Variants in DCAF6 observed in about 807,000 individuals in gnomAD.
DCAF6 encodes the protein DDB1 and CUL4 associated factor 6.
DCAF6 carries 54 observed loss-of-function variants against 125.1 expected under a neutral mutation model. That is an observed-to-expected ratio of 0.43 (90% CI 0.35 to 0.54). The LOEUF is 0.54. Ranked by LOEUF, DCAF6 falls within the 20% of genes least tolerant of loss-of-function variation. The pLI is 0.01. For missense variants in DCAF6, 934 were observed against 1,161.7 expected (o/e 0.80, Z 2.85); for synonymous variants, 371 against 390.4 (o/e 0.95, Z 0.58).
chr1:167,993,083 A>G, intron 6 of DCAF6, 143 bp from the exon 7 acceptor site: 1 of 735,278 alleles, frequency 1.4e-6, no homozygotes, highest in South Asian at 2.1e-5. Flanking sequence ...CTGCAGAGGA[A>G]GAACCTCTAC....
Position 168,003,930 on chromosome 1 carries a change from T to C in DCAF6, c.1058T>C (p.Phe353Ser). 6.2e-7 allele frequency: 1 copy of C among 1,612,334 alleles called. No homozygotes were observed. Among genetic ancestry groups the C allele is most frequent in the Non-Finnish European group, 8.5e-7 (1 of 1,179,302 alleles). The change falls in exon 9 of 22, where the codon TTT (phenylalanine) becomes TCT (serine). Residue 353 changes from phenylalanine to serine, a missense_variant. By Grantham distance (155) the Phe-to-Ser change is radical (BLOSUM62 -2). This residue lies in a region of DCAF6 where 559 missense variants were observed against 635.5 expected (regional missense o/e 0.88). Transcript: ENST00000367840. ...ATGTCTGATATGTTATCAAGATGGTTTGAAGAAGCAAGTGAGGTTGCACAA... is the reference window on the plus strand; with the variant it reads ...ATGTCTGATATGTTATCAAGATGGTCTGAAGAAGCAAGTGAGGTTGCACAA... ...QRMSDMLSRW[F>S]EEASEVAQSN...
intron 2 of DCAF6, among the ~76,000 whole-genome samples, chr1:167,955,894 TG>T (rs1479845491): frequency 6.6e-6 from 1 of 152,066 alleles, no homozygotes; most frequent in African/African-American, 2.4e-5. Context: ...CTGAGTTAGC[TG>T]GGACCATAGG....
chr1:167,948,381 A>G (rs1464186550), intron 1 of DCAF6, among the ~76,000 whole-genome samples: 1 of 151,990 alleles, frequency 6.6e-6, no homozygotes, highest in Non-Finnish European at 1.5e-5. Context: ...AGAGTTTGTC[A>G]CCCCCAAGTA....
intron 10 of DCAF6, among the ~76,000 whole-genome samples, chr1:168,009,461 T>TCC (rs1553232968): frequency 7.1e-6 from 1 of 140,690 alleles, no homozygotes; most frequent in Non-Finnish European, 1.5e-5. Context: ...TGTCTCTCTC[T>TCC]CTTCCTTCCT....
intron 5 of DCAF6, among the ~76,000 whole-genome samples, chr1:167,988,745 TTTTATATATTTGAA>T (rs1680382567): frequency 6.6e-6 from 1 of 152,112 alleles, no homozygotes; most frequent in Non-Finnish European, 1.5e-5. Context: ...AAAAAGATTA[TTTTATATATTTGAA>T]ACAGAAATAA....
rs1684847293 is a variant in DCAF6, at chr1:168,015,509, G to A, written c.1379-272G>A. Among the ~76,000 whole-genome samples, 18 of 151,944 alleles carry A rather than the reference G, an allele frequency of 1.2e-4. 1 individual carries two copies. In the South Asian group the frequency reaches 3.5e-3, roughly 30 times the overall value. On this transcript the variant is annotated intron_variant, in intron 10 of 21. Transcript: ENST00000367840. The stretch of plus-strand genomic sequence containing the variant: ...CATTTTGAAATCTTTTGCTTATGGA[G>A]GACTTTTTATTTCCATTTGGTTTAA...
At chr1:167,909,214 T>C in the DCAF6 span, among the ~76,000 whole-genome samples, 1 of 152,234 alleles carries the variant, frequency 6.6e-6, no homozygotes, top group Non-Finnish European at 1.5e-5. Flanking sequence ...TCAATAATTG[T>C]TCATTTTCAA....
At chr1:167,958,021 TA>T (rs1321631802) in intron 2 of DCAF6, among the ~76,000 whole-genome samples, 1 of 152,186 alleles carries the variant, frequency 6.6e-6, no homozygotes, top group East Asian at 1.9e-4. Flanking sequence ...TGTGTTTGTA[TA>T]TTCTGGGACT....
chr1:168,042,357 T>A (rs1454963304), intron 13 of DCAF6, among the ~76,000 whole-genome samples: 1 of 152,110 alleles, frequency 6.6e-6, no homozygotes, highest in Non-Finnish European at 1.5e-5. Context: ...TGCCATGATT[T>A]GTCACAGAAT....
chr1:167,941,054 TCATAATATGTTG>T (rs1194196392), intron 1 of DCAF6, among the ~76,000 whole-genome samples: 2 of 151,984 alleles, frequency 1.3e-5, no homozygotes, highest in African/African-American at 4.8e-5. Context: ...ACCAGGTTCT[TCATAATATGTTG>T]CCAAGTTACA....
chr1:167,866,530 CAA>C, the DCAF6 span, among the ~76,000 whole-genome samples: 8 of 110,770 alleles, frequency 7.2e-5, no homozygotes, highest in South Asian at 2.9e-4. Flanking sequence ...CTCTATGTGC[CAA>C]AAAAAAAAAA....
the DCAF6 span, among the ~76,000 whole-genome samples, chr1:167,875,402 T>C: frequency 4.2e-3 from 610 of 145,064 alleles, 4 homozygotes; most frequent in African/African-American, 0.016. Context: ...TCTGTTTCCA[T>C]AGCATCTGGC....
At chr1:167,880,343 C>A in the DCAF6 span, 2 of 945,360 alleles carry the variant, frequency 2.1e-6, no homozygotes, top group Non-Finnish European at 1.7e-6. Flanking sequence ...TTCTACATGG[C>A]CCGGAGATGC....
chr1:167,907,202 G>A, the DCAF6 span, among the ~76,000 whole-genome samples: 1 of 152,154 alleles, frequency 6.6e-6, no homozygotes, highest in African/African-American at 2.4e-5. Context: ...ACCATAGATG[G>A]GCACATTCTC....
At chr1:167,992,195 A>G (rs931244528) in intron 6 of DCAF6, among the ~76,000 whole-genome samples, 7 of 151,932 alleles carry the variant, frequency 4.6e-5, no homozygotes, top group African/African-American at 1.7e-4. Context: ...TACTTCCAAA[A>G]TAAACAATTA....
intron 15 of DCAF6, 71 bp from the exon 16 acceptor site, chr1:168,044,829 T>C: frequency 6.5e-7 from 1 of 1,528,830 alleles, no homozygotes; most frequent in Non-Finnish European, 8.9e-7. Flanking sequence ...GTTTGTGAGC[T>C]CCTAAGTTAG....
intron 17 of DCAF6, chr1:168,056,172 T>C: frequency 6.2e-7 from 1 of 1,606,442 alleles, no homozygotes; most frequent in South Asian, 1.1e-5. Context: ...GAGACTACAA[T>C]AAACAACATC....
At position 167,996,375 on chromosome 1, in the gene DCAF6, T is replaced by C. The variant is rs1034015526; in HGVS notation, c.903+2935T>C. Among the ~76,000 whole-genome samples, 7 of 152,148 alleles carry C rather than the reference T, an allele frequency of 4.6e-5. No homozygotes were observed. In the South Asian group the frequency reaches 1.4e-3, roughly 32 times the overall value. On this transcript the variant is annotated intron_variant, in intron 7 of 21. Transcript: ENST00000367840. ...TTCTTTCATTTTCTTCTGGTCCCCATAGCTTGTGCCTAAAAATATACTCCA... is the reference window on the plus strand; with the variant it reads ...TTCTTTCATTTTCTTCTGGTCCCCACAGCTTGTGCCTAAAAATATACTCCA...
At chr1:167,867,844 G>A in the DCAF6 span, among the ~76,000 whole-genome samples, 2 of 152,176 alleles carry the variant, frequency 1.3e-5, no homozygotes, top group Non-Finnish European at 2.9e-5. Flanking sequence ...ATGTGCAAAT[G>A]TGTGTAATTA....
Sources: gnomAD v4.1 joint callset for allele counts (sites outside exome capture counted in the v4.1 genomes callset) on GRCh38, gnomAD v4.1.1 for gene constraint, gnomAD v4.1.1 regional missense constraint, MANE v1.5 for transcripts, NCBI Gene and HGNC (gene_info 2026-07-23, HGNC 2026-07-21) for gene names.